SPTBN1: variants seen among roughly 807,000 people sequenced by gnomAD.
The protein encoded by SPTBN1 is spectrin beta chain, non-erythrocytic 1.
SPTBN1 carries 32 observed loss-of-function variants against 266.4 expected under a neutral mutation model. The observed-to-expected ratio is 0.12, with a 90% CI of 0.09 to 0.16. The LOEUF (loss-of-function observed/expected upper bound fraction) is 0.16. SPTBN1 is among the 10% of genes least tolerant of loss of function. SPTBN1 has a pLI of 1.00. For synonymous variants in SPTBN1, 1,336 were observed against 1,162.2 expected, an observed-to-expected ratio of 1.15 and a Z score of -3.04; for missense variants, 2,296 against 3,067.1, an observed-to-expected ratio of 0.75 and a Z score of 5.94.
chr2:54,553,329 G>A (rs938424943), intron 2 of SPTBN1, among the ~76,000 whole-genome samples: 3 of 152,196 alleles, frequency 2.0e-5, no homozygotes, highest in African/African-American at 7.2e-5. Flanking sequence ...TGGGCAAGAG[G>A]TTCCTAGGAA....
chr2:54,541,386 G>C (rs975547380), intron 2 of SPTBN1, among the ~76,000 whole-genome samples: 3 of 152,222 alleles, frequency 2.0e-5, no homozygotes, highest in Admixed American at 6.5e-5. Flanking sequence ...AAATAATGTA[G>C]AGGCATTCAA....
chr2:54,512,461 T>G (rs546587839), intron 1 of SPTBN1, among the ~76,000 whole-genome samples: 1 of 152,264 alleles, frequency 6.6e-6, no homozygotes, highest in Admixed American at 6.5e-5. Flanking sequence ...AAAGTGTAAA[T>G]CTCTGGAAAT....
chr2:54,497,422 A>G (rs1669026550), intron 1 of SPTBN1, among the ~76,000 whole-genome samples: 1 of 152,008 alleles, frequency 6.6e-6, no homozygotes, highest in Non-Finnish European at 1.5e-5. Context: ...TCTTCCTTTG[A>G]GACTCACTCT....
intron 1 of SPTBN1, among the ~76,000 whole-genome samples, chr2:54,509,137 C>T (rs1387417431): frequency 1.3e-5 from 2 of 152,094 alleles, no homozygotes; most frequent in South Asian, 2.1e-4. Flanking sequence ...TGGTGAGTGG[C>T]GATTAGGCCT....
At chr2:54,585,703 C>A (rs1475851720) in intron 2 of SPTBN1, among the ~76,000 whole-genome samples, 1 of 152,224 alleles carries the variant, frequency 6.6e-6, no homozygotes, top group Non-Finnish European at 1.5e-5. Context: ...TTACTCCTTA[C>A]ATTTTTAAAG....
At position 54,626,836 on chromosome 2, in the gene SPTBN1, C is replaced by T. The variant is rs1342429281; in HGVS notation, c.1644+602C>T. 6.6e-6 allele frequency among the ~76,000 whole-genome samples: 1 copy of T among 152,206 alleles called. No individual in the cohort carries two copies. Among genetic ancestry groups the T allele is most frequent in the African/African-American group, 2.4e-5 (1 of 41,450 alleles). On this transcript the variant is annotated intron_variant, in intron 12 of 35. Coordinates refer to ENST00000356805, the MANE Select transcript of SPTBN1 (RefSeq NM_003128.3). This position sits in a 1 kb window ranked among gnomAD's most constrained non-coding sequence, Gnocchi z 4.7. The stretch of plus-strand genomic sequence containing the variant: ...GATGGGCTGGATGGCAGTGGCTGGT[C>T]ATGCCATTTATTGACTGCTCTTAGC...
chr2:54,587,217 G>A (rs1675354616), intron 2 of SPTBN1, among the ~76,000 whole-genome samples: 1 of 152,206 alleles, frequency 6.6e-6, no homozygotes, highest in Non-Finnish European at 1.5e-5. Context: ...TGAAAATGAA[G>A]TAGAGGATTT....
At chr2:54,614,673 G>C (rs965596109) in intron 4 of SPTBN1, among the ~76,000 whole-genome samples, 1 of 151,898 alleles carries the variant, frequency 6.6e-6, no homozygotes, top group Non-Finnish European at 1.5e-5. Flanking sequence ...TGTGGTGGCA[G>C]ACACCTATGA....
chr2:54,512,755 G>A (rs531839455), intron 1 of SPTBN1, among the ~76,000 whole-genome samples: 1 of 152,180 alleles, frequency 6.6e-6, no homozygotes, highest in East Asian at 1.9e-4. Context: ...GGGATCCAAA[G>A]TACATACTAT....
intron 1 of SPTBN1, among the ~76,000 whole-genome samples, chr2:54,479,212 G>A (rs1667986934): frequency 6.6e-6 from 1 of 152,174 alleles, no homozygotes. Flanking sequence ...CTTGTGTTGT[G>A]TATAGCAATG....
In SPTBN1 at chr2:54,558,501, T is replaced by C. The variant is rs1363146218; in HGVS notation, c.148+31935T>C. 8.4e-6 allele frequency: 10 copies of C among 1,185,012 alleles called. No individual in the cohort carries two copies. The highest frequency in any genetic ancestry group is 1.0e-5 in the Non-Finnish European group (10 of 955,478). 73.4% of individuals were successfully genotyped at this position (1,185,012 alleles called of 1,614,324 possible). A position where few individuals can be genotyped will look rare whatever the true frequency, so the allele number is the denominator to read the frequency against. ...AGAACCTGCGCCTCCTCTCTGCTTC[T>C]CCCTCCTCCTCAGTAATTTATTTCG... On this transcript the variant is annotated intron_variant, in intron 2 of 35. Coordinates refer to ENST00000356805, the MANE Select transcript of SPTBN1 (RefSeq NM_003128.3). The surrounding 1 kb of genome is among the most constrained non-coding windows in gnomAD (Gnocchi z 4.6).
intron 2 of SPTBN1, among the ~76,000 whole-genome samples, chr2:54,591,496 T>A (rs531926527): frequency 6.6e-6 from 1 of 152,358 alleles, no homozygotes; most frequent in South Asian, 2.1e-4. Flanking sequence ...TACTGGGTTA[T>A]ACGTGCAGGT....
intron 2 of SPTBN1, among the ~76,000 whole-genome samples, chr2:54,582,586 A>T: frequency 6.6e-6 from 1 of 151,346 alleles, no homozygotes; most frequent in South Asian, 2.1e-4. Context: ...AAAAAGAAAT[A>T]TGGAGGATTC....
At chr2:54,559,619 C>T (rs1171362005) in intron 2 of SPTBN1, among the ~76,000 whole-genome samples, 1 of 152,126 alleles carries the variant, frequency 6.6e-6, no homozygotes, top group Non-Finnish European at 1.5e-5. Context: ...GCTGTTTTCC[C>T]TGCGGCCCCT....
In SPTBN1 at chr2:54,668,489, G is replaced by A. The variant is rs763496837; in HGVS notation, c.7015G>A (p.Glu2339Lys). The change falls in exon 36 of 36, where the codon GAG becomes AAG. Residue 2339 changes from glutamate (E) to lysine (K), a missense_variant. Physicochemically the swap from Glu to Lys is moderately conservative, Grantham distance 56 (BLOSUM62 1). Around this residue, in one of 12 missense-constraint regions of SPTBN1, gnomAD observed 347 missense variants for 368.5 expected, o/e 0.94. Coordinates refer to ENST00000356805, the MANE Select transcript of SPTBN1 (RefSeq NM_003128.3). ...CACCAGCGTCGTCACCATCACCAGCGAGTCCAGTCCCGGCAAGCGGGAAAA... is the reference window on the plus strand; with the variant it reads ...CACCAGCGTCGTCACCATCACCAGCAAGTCCAGTCCCGGCAAGCGGGAAAA... ...LPTSVVTITS[E>K]SSPGKREKDK... 5.6e-6 allele frequency: 9 copies of A among 1,614,012 alleles called. No individual in the cohort carries two copies. The highest frequency in any genetic ancestry group is 5.9e-6 in the Non-Finnish European group (7 of 1,180,038).
rs2104251359 is a variant in SPTBN1 at position 54,664,552 on chromosome 2, C to T, written c.6520C>T (p.Arg2174Cys). The change falls in exon 33 of 36, where the codon CGT becomes TGT. Residue 2174 changes from arginine (R) to cysteine (C), a missense_variant. Physicochemically the swap from Arg to Cys is radical, Grantham distance 180. Coordinates refer to ENST00000356805, the MANE Select transcript of SPTBN1 (RefSeq NM_003128.3). The surrounding 1 kb of genome is among the most constrained non-coding windows in gnomAD (Gnocchi z 5.6). ...CCCCATCCCCTCCCCGACCTCTGAT[C>T]GTAAAGCCAAGACTGCCCTCCCAGC... The part of the protein sequence containing the change: ...SSPIPSPTSD[R>C]KAKTALPAQS... 3 of 1,614,164 alleles carry T rather than the reference C, an allele frequency of 1.9e-6. No homozygotes were observed. The highest frequency in any genetic ancestry group is 4.5e-5 in the East Asian group (2 of 44,872).
chr2:54,637,657 A>G (rs1679242638), intron 17 of SPTBN1, 56 bp from the exon 18 acceptor site: 3 of 1,361,464 alleles, frequency 2.2e-6, no homozygotes, highest in East Asian at 2.3e-5. Context: ...TGTATTCTGT[A>G]TTTCAAGATT....
intron 1 of SPTBN1, among the ~76,000 whole-genome samples, chr2:54,480,323 A>G (rs1465665434): frequency 1.3e-5 from 2 of 152,228 alleles, no homozygotes; most frequent in Non-Finnish European, 2.9e-5. Flanking sequence ...GATTTTTCCC[A>G]GAGTAGTGAT....
At chr2:54,614,238 A>G (rs566075314) in intron 4 of SPTBN1, among the ~76,000 whole-genome samples, 2 of 152,298 alleles carry the variant, frequency 1.3e-5, no homozygotes, top group South Asian at 2.1e-4. Flanking sequence ...TGAATCAGCC[A>G]AGGCCCAGCT....
Sources: allele counts gnomAD v4.1 joint callset (sites outside exome capture counted in the v4.1 genomes callset), GRCh38; gene constraint gnomAD v4.1.1; regional missense constraint gnomAD v4.1.1; non-coding constraint Gnocchi (gnomAD v3.1); transcripts MANE v1.5; gene names NCBI Gene and HGNC (gene_info 2026-07-23, HGNC 2026-07-21).